Variants in SRRM3 observed in about 807,000 individuals in gnomAD.
SRRM3 encodes the protein serine/arginine repetitive matrix protein 3.
SRRM3 carries 27 observed loss-of-function variants against 66.2 expected under a neutral mutation model. The ratio of observed to expected loss-of-function variants is 0.41; its 90% CI spans 0.30 to 0.56. The LOEUF (loss-of-function observed/expected upper bound fraction) is 0.56, where lower values mean the gene tolerates loss of function less well. SRRM3 is among the 20% of genes least tolerant of loss of function. The probability of loss-of-function intolerance (pLI) is 0.32; values close to 1 mark genes in which losing one functional copy is unlikely to be tolerated. For missense variants in SRRM3, 918 were observed against 991.9 expected, an observed-to-expected ratio of 0.93 and a Z score of 1.00; for synonymous variants, 391 against 414.9, an observed-to-expected ratio of 0.94 and a Z score of 0.70.
intron 2 of SRRM3, among the ~76,000 whole-genome samples, chr7:76,244,546 TGAAGAA>T (rs61538426): frequency 3.1e-4 from 45 of 143,038 alleles, no homozygotes; most frequent in South Asian, 3.1e-3. Flanking sequence ...AAAAAAAAGT[TGAAGAA>T]GAAGAAGAAG....
intron 1 of SRRM3, among the ~76,000 whole-genome samples, chr7:76,230,140 G>A (rs1800976933): frequency 6.6e-6 from 1 of 152,130 alleles, no homozygotes; most frequent in Non-Finnish European, 1.5e-5. Flanking sequence ...TGTCCTCAGT[G>A]AATTTGATTG....
chr7:76,210,638 G>A (rs1440688411), intron 1 of SRRM3, among the ~76,000 whole-genome samples: 3 of 152,128 alleles, frequency 2.0e-5, no homozygotes, highest in African/African-American at 4.8e-5. Flanking sequence ...ATACTTGGGA[G>A]GCTGGGACAT....
intron 5 of SRRM3, 97 bp from the exon 6 acceptor site, chr7:76,260,777 C>T (rs1801843710): frequency 1.7e-6 from 2 of 1,211,876 alleles, no homozygotes; most frequent in Non-Finnish European, 1.2e-6. Context: ...TCTCTCTGTC[C>T]ACCCTCCCCT....
Position 76,265,362 on chromosome 7 carries a change from A to G in SRRM3, c.726-2A>G. On this transcript the variant is annotated splice_acceptor_variant, in intron 9 of 14. Coordinates refer to ENST00000611745, the MANE Select transcript of SRRM3 (RefSeq NM_001110199.3). LOFTEE classifies it high-confidence loss of function. ...CAGGCTGATTTCCCCCATCCACGCC[A>G]GGCCTCACACAGAGTCCCCAGGCCG... is the stretch of plus-strand genomic sequence containing the variant. 6.3e-7 allele frequency: 1 copy of G among 1,593,656 alleles called. No individual in the cohort carries two copies. Among genetic ancestry groups the G allele is most frequent in the Non-Finnish European group, 8.5e-7 (1 of 1,170,470 alleles).
intron 1 of SRRM3, among the ~76,000 whole-genome samples, chr7:76,213,775 G>T (rs756359044): frequency 6.6e-6 from 1 of 151,796 alleles, no homozygotes; most frequent in Non-Finnish European, 1.5e-5. Flanking sequence ...TTTTTTGTTT[G>T]TTTGTTTGTT....
Position 76,286,038 on chromosome 7 carries a change from G to A in SRRM3, c.*195G>A. On this transcript the variant is annotated 3_prime_UTR_variant, in exon 15 of 15. Transcript: ENST00000611745. Reference sequence around the variant, plus strand: ...CAGTGGACAAGGAGAAGCCAGATGTGCTGCTTCTACGGGTGTCCTCTCCCA... The same window carrying A: ...CAGTGGACAAGGAGAAGCCAGATGTACTGCTTCTACGGGTGTCCTCTCCCA... The A allele has an allele frequency of 4.7e-6, 3 of 634,260 alleles. No homozygotes were observed. The highest frequency in any genetic ancestry group is 8.4e-6 in the Non-Finnish European group (3 of 356,916). The allele number at this position is 634,260 out of a possible 1,614,324, so 39.3% of individuals were successfully genotyped here.
Position 76,212,927 on chromosome 7 carries a change from C to T in SRRM3, c.-40+10860C>T, listed in dbSNP as rs192611006. ...TCAGGCTCTGCTCAGACATCTTCTGCGTGATGTCCTGTTCCAATCTGGGTG... is the reference window on the plus strand; with the variant it reads ...TCAGGCTCTGCTCAGACATCTTCTGTGTGATGTCCTGTTCCAATCTGGGTG... On this transcript the variant is annotated intron_variant, in intron 1 of 14. Transcript: ENST00000611745. 6.0e-5 allele frequency among the ~76,000 whole-genome samples: 9 copies of T among 151,048 alleles called. No individual in the cohort carries two copies. The East Asian group carries it at 1.6e-3, about 26-fold the overall frequency.
intron 1 of SRRM3, among the ~76,000 whole-genome samples, chr7:76,204,026 C>A (rs1437396034): frequency 6.6e-6 from 1 of 152,120 alleles, no homozygotes; most frequent in East Asian, 1.9e-4. Context: ...GGGTCTGGGT[C>A]TGACAGTCCC....
At chr7:76,258,208 C>G (rs59473487) in intron 3 of SRRM3, among the ~76,000 whole-genome samples, 1,715 of 152,188 alleles carry the variant, frequency 0.011, 36 homozygotes, top group African/African-American at 0.039. Flanking sequence ...GCAGGGGGGG[C>G]CCCTGGAGGC....
intron 1 of SRRM3, among the ~76,000 whole-genome samples, chr7:76,228,891 T>A (rs984774670): frequency 2.1e-5 from 3 of 140,288 alleles, no homozygotes; most frequent in Non-Finnish European, 3.1e-5. Flanking sequence ...AGCAATTTCA[T>A]CCCCAGAGAC....
intron 3 of SRRM3, among the ~76,000 whole-genome samples, chr7:76,253,034 G>A (rs1439541098): frequency 2.6e-5 from 4 of 151,520 alleles, no homozygotes; most frequent in Non-Finnish European, 5.9e-5. Context: ...CATGGTGGGG[G>A]GCACCTGTAA....
intron 10 of SRRM3, 108 bp downstream of exon 10, chr7:76,265,576 C>T (rs958773788): frequency 3.2e-5 from 28 of 862,000 alleles, no homozygotes; most frequent in Non-Finnish European, 4.4e-5. Flanking sequence ...GTCAATTCAT[C>T]GGTGGGTAGA....
At chr7:76,262,950 C>A (rs568994286) in intron 8 of SRRM3, among the ~76,000 whole-genome samples, 1 of 152,286 alleles carries the variant, frequency 6.6e-6, no homozygotes, top group East Asian at 1.9e-4. Context: ...GCCAGACCCC[C>A]TTCCAGCAGC....
At chr7:76,281,283 TTCTG>T (rs1554611858) in intron 11 of SRRM3, among the ~76,000 whole-genome samples, 154 bp from the exon 12 acceptor site, 1 of 151,056 alleles carries the variant, frequency 6.6e-6, no homozygotes, top group Admixed American at 6.6e-5. Context: ...TCTCCTCTCT[TTCTG>T]TCTCTGTCTC....
chr7:76,216,741 G>A (rs1800579598), intron 1 of SRRM3, among the ~76,000 whole-genome samples: 1 of 152,204 alleles, frequency 6.6e-6, no homozygotes, highest in African/African-American at 2.4e-5. Context: ...CATGGAGAGT[G>A]AATGTGGGGT....
chr7:76,282,916 T>TGGAGCGGCCGGGC (rs1802565015), intron 13 of SRRM3, 44 bp downstream of exon 13: 3 of 1,306,624 alleles, frequency 2.3e-6, no homozygotes, highest in Non-Finnish European at 2.9e-6. Flanking sequence ...GGCGGCGGGG[T>TGGAGCGGCCGGGC]GGAGCGGCCG....
rs1019429417 is a variant in SRRM3, at chr7:76,278,441, C to T, written c.1009-3000C>T. ...AGCAGAGGTTGCAGTGAGCTGAGGT[C>T]GTGCCACTGCACTCCAGCCTGGGCA... On this transcript the variant is annotated intron_variant, in intron 11 of 14. Coordinates refer to ENST00000611745, the MANE Select transcript of SRRM3 (RefSeq NM_001110199.3). 2.7e-4 allele frequency among the ~76,000 whole-genome samples: 41 copies of T among 152,116 alleles called. 1 individual carries two copies. The highest frequency in any genetic ancestry group is 1.4e-3 in the Admixed American group (22 of 15,278).
At chr7:76,283,268 CA>C (rs1802579123) in intron 14 of SRRM3, among the ~76,000 whole-genome samples, 167 bp downstream of exon 14, 2 of 140,720 alleles carry the variant, frequency 1.4e-5, no homozygotes, top group African/African-American at 5.4e-5. Context: ...GGTAGGGGGC[CA>C]GGGGAGGAGG....
chr7:76,236,005 C>CAAAAAAAAAAAAAAAAAAAAAAAA (rs1161706465), intron 2 of SRRM3, among the ~76,000 whole-genome samples: 2 of 20,272 alleles, frequency 9.9e-5, no homozygotes, highest in African/African-American at 1.6e-4. Context: ...GATTCTGTCT[C>CAAAAAAAAAAAAAAAAAAAAAAAA]AAAAAAAAAA....
Sources: allele counts gnomAD v4.1 joint callset (sites outside exome capture counted in the v4.1 genomes callset), GRCh38; gene constraint gnomAD v4.1.1; transcripts MANE v1.5; gene names NCBI Gene and HGNC (gene_info 2026-07-23, HGNC 2026-07-21).